The following ADAM22 variants were observed in gnomAD, a reference collection of about 807,000 sequenced individuals.
ADAM22 encodes ADAM metallopeptidase domain 22.
Under a neutral mutation model 144.6 loss-of-function variants are expected in ADAM22, and 65 were observed. The ratio of observed to expected loss-of-function variants is 0.45; its 90% CI spans 0.37 to 0.55. ADAM22 has a LOEUF of 0.55. Ranked by LOEUF, ADAM22 falls within the 20% of genes least tolerant of loss-of-function variation. ADAM22 has a pLI of 0.00. For missense variants in ADAM22, 974 were observed against 1,184.9 expected, an observed-to-expected ratio of 0.82 and a Z score of 2.61; for synonymous variants, 391 against 412.6, an observed-to-expected ratio of 0.95 and a Z score of 0.63.
At chr7:88,009,288 T>TA in intron 3 of ADAM22, among the ~76,000 whole-genome samples, 1 of 152,368 alleles carries the variant, frequency 6.6e-6, no homozygotes, top group African/African-American at 2.4e-5. Flanking sequence ...GTCAGAAATT[T>TA]AAATTTTCTG....
chr7:88,198,693 A>T lies in ADAM22; in HGVS notation c.*2202A>T, dbSNP rs1045858990. 1 of 152,226 alleles carries T rather than the reference A, an allele frequency of 6.6e-6. No individual in the cohort carries two copies. Among genetic ancestry groups the T allele is most frequent in the Non-Finnish European group, 1.5e-5 (1 of 68,032 alleles). 9.4% of individuals were successfully genotyped at this position (152,226 alleles called of 1,614,324 possible). A position where few individuals can be genotyped will look rare whatever the true frequency, so the allele number is the denominator to read the frequency against. ...AGGTACACAAACTCTAATTTGAAAGAATCCACAAATGGCTAGCTGAGAAGT... is the reference window on the plus strand; with the variant it reads ...AGGTACACAAACTCTAATTTGAAAGTATCCACAAATGGCTAGCTGAGAAGT... On this transcript the variant is annotated 3_prime_UTR_variant, in exon 32 of 32. Coordinates refer to ENST00000413139, the MANE Select transcript of ADAM22 (RefSeq NM_001324418.2).
At chr7:87,975,055 G>A (rs1851579268) in intron 2 of ADAM22, among the ~76,000 whole-genome samples, 2 of 152,120 alleles carry the variant, frequency 1.3e-5, no homozygotes, top group Admixed American at 1.3e-4. Context: ...CTTTTTCCAT[G>A]TGAGGTAACA....
At chr7:88,080,885 G>C (rs1254459500) in intron 4 of ADAM22, among the ~76,000 whole-genome samples, 2 of 152,134 alleles carry the variant, frequency 1.3e-5, no homozygotes. Flanking sequence ...GGACCAGATG[G>C]ATTCACAGCT....
chr7:87,991,793 A>G (rs1789964885), intron 3 of ADAM22, among the ~76,000 whole-genome samples: 1 of 152,214 alleles, frequency 6.6e-6, no homozygotes, highest in Non-Finnish European at 1.5e-5. Context: ...GATCTCAGAA[A>G]TAGCTATTTT....
At chr7:88,040,514 G>A (rs974609662) in intron 3 of ADAM22, among the ~76,000 whole-genome samples, 5 of 152,040 alleles carry the variant, frequency 3.3e-5, no homozygotes, top group African/African-American at 1.2e-4. Flanking sequence ...AAGTGGTTCT[G>A]TCTATACTTC....
chr7:88,085,761 T>A (rs920124855), intron 4 of ADAM22, among the ~76,000 whole-genome samples: 1 of 152,226 alleles, frequency 6.6e-6, no homozygotes, highest in African/African-American at 2.4e-5. Flanking sequence ...CTTTTCATCC[T>A]CCTCTTGTAA....
At chr7:88,075,856 AC>A (rs1814294865) in intron 4 of ADAM22, among the ~76,000 whole-genome samples, 164 bp downstream of exon 4, 1 of 152,196 alleles carries the variant, frequency 6.6e-6, no homozygotes, top group South Asian at 2.1e-4. Context: ...ATGAAACTTT[AC>A]TTTTAGTTAT....
intron 3 of ADAM22, among the ~76,000 whole-genome samples, chr7:88,004,185 G>T (rs1418656383): frequency 6.6e-6 from 1 of 152,130 alleles, no homozygotes; most frequent in Non-Finnish European, 1.5e-5. Context: ...CCATTTTCCT[G>T]TAATTTGGTA....
At chr7:88,032,064 T>C (rs1800402282) in intron 3 of ADAM22, among the ~76,000 whole-genome samples, 1 of 152,226 alleles carries the variant, frequency 6.6e-6, no homozygotes, top group Admixed American at 6.5e-5. Flanking sequence ...GGAGAACCTC[T>C]ACTAGGGCAG....
intron 7 of ADAM22, among the ~76,000 whole-genome samples, chr7:88,119,668 T>C (rs557800443): frequency 3.4e-4 from 52 of 152,290 alleles, no homozygotes; most frequent in African/African-American, 1.2e-3. Context: ...TTTGTATTTT[T>C]AGTAGAGACA....
chr7:88,153,197 A>T, intron 20 of ADAM22, 24 bp from the exon 21 acceptor site: 1 of 1,579,684 alleles, frequency 6.3e-7, no homozygotes, highest in Non-Finnish European at 8.7e-7. Flanking sequence ...TCCCTCACTG[A>T]TAGAAAATTT....
chr7:87,969,238 A>G (rs1849862040), intron 2 of ADAM22, among the ~76,000 whole-genome samples: 2 of 152,172 alleles, frequency 1.3e-5, no homozygotes, highest in Admixed American at 6.5e-5. Flanking sequence ...GATCAGTAAC[A>G]TATAGCGTGC....
intron 3 of ADAM22, among the ~76,000 whole-genome samples, chr7:88,047,750 T>C (rs1805047680): frequency 6.6e-6 from 1 of 152,198 alleles, no homozygotes; most frequent in Non-Finnish European, 1.5e-5. Context: ...ATTTCCGTTG[T>C]TATTTATTTT....
intron 2 of ADAM22, among the ~76,000 whole-genome samples, chr7:87,973,512 T>C (rs1159352408): frequency 6.6e-6 from 1 of 151,976 alleles, no homozygotes; most frequent in Non-Finnish European, 1.5e-5. Context: ...AGTTCAACCA[T>C]TGTGGAAGTC....
At chr7:88,133,970 T>G (rs1159421654) in intron 12 of ADAM22, among the ~76,000 whole-genome samples, 2 of 152,124 alleles carry the variant, frequency 1.3e-5, no homozygotes, top group Non-Finnish European at 2.9e-5. Flanking sequence ...CTAAAAAAAT[T>G]TACAGATTTA....
intron 3 of ADAM22, among the ~76,000 whole-genome samples, chr7:88,048,718 G>A (rs978150005): frequency 5.3e-5 from 8 of 151,938 alleles, no homozygotes; most frequent in African/African-American, 9.7e-5. Context: ...CAGGGTGGTC[G>A]CTAAGTCTAG....
intron 2 of ADAM22, among the ~76,000 whole-genome samples, chr7:87,968,091 T>C (rs1369111843): frequency 6.6e-6 from 1 of 152,182 alleles, no homozygotes; most frequent in African/African-American, 2.4e-5. Flanking sequence ...TAAGTAAATA[T>C]TCAGTTTTGA....
intron 30 of ADAM22, among the ~76,000 whole-genome samples, chr7:88,192,618 T>C (rs1849862859): frequency 6.6e-6 from 1 of 152,196 alleles, no homozygotes; most frequent in African/African-American, 2.4e-5. Context: ...CACACTGGCC[T>C]CTGAATGCAT....
intron 8 of ADAM22, among the ~76,000 whole-genome samples, chr7:88,127,526 T>C (rs763936522): frequency 1.4e-4 from 22 of 151,992 alleles, no homozygotes; most frequent in Middle Eastern, 3.2e-3. Context: ...TTAGTGTTAT[T>C]CTTTGGTTTC....
Sources: gnomAD v4.1 joint callset for allele counts (sites outside exome capture counted in the v4.1 genomes callset) on GRCh38, gnomAD v4.1.1 for gene constraint, MANE v1.5 for transcripts, NCBI Gene and HGNC (gene_info 2026-07-23, HGNC 2026-07-21) for gene names.